DOCK2: variants seen among roughly 807,000 people sequenced by gnomAD.
DOCK2 encodes dedicator of cytokinesis 2.
A neutral mutation model predicts 248.9 loss-of-function variants in DOCK2; 87 were observed. The observed-to-expected ratio is 0.35, with a 90% confidence interval of 0.29 to 0.42. The LOEUF is 0.42. DOCK2 is among the 10% of genes least tolerant of loss of function. The pLI is 1.00. For synonymous variants in DOCK2, 805 were observed against 821.6 expected (o/e 0.98, Z 0.35); for missense variants, 1,747 against 2,300.2 (o/e 0.76, Z 4.92).
intron 28 of DOCK2, among the ~76,000 whole-genome samples, chr5:169,984,309 G>A (rs1030393735): frequency 6.6e-6 from 1 of 152,152 alleles, no homozygotes; most frequent in Non-Finnish European, 1.5e-5. Context: ...GGATGTGCCT[G>A]TGATGATATC....
At chr5:169,808,879 G>A (rs1452549479) in intron 26 of DOCK2, among the ~76,000 whole-genome samples, 1 of 152,146 alleles carries the variant, frequency 6.6e-6, no homozygotes, top group Non-Finnish European at 1.5e-5. Context: ...CTGAATCGTG[G>A]ACATAAGGAA....
intron 27 of DOCK2, among the ~76,000 whole-genome samples, chr5:169,952,208 A>C (rs1453905952): frequency 1.3e-5 from 2 of 152,214 alleles, no homozygotes; most frequent in Non-Finnish European, 2.9e-5. Flanking sequence ...AATTCACTCT[A>C]ACCGAGCTTT....
chr5:169,862,777 G>C (rs1012239830), intron 27 of DOCK2, among the ~76,000 whole-genome samples: 2 of 152,184 alleles, frequency 1.3e-5, no homozygotes, highest in Non-Finnish European at 2.9e-5. Flanking sequence ...ACAGGGGAAG[G>C]TGAAACCATC....
chr5:169,675,382 T>A (rs566952697), intron 6 of DOCK2, among the ~76,000 whole-genome samples: 2 of 152,152 alleles, frequency 1.3e-5, no homozygotes, highest in Non-Finnish European at 1.5e-5. Context: ...ACCACAAACA[T>A]GTATTGAGGA....
At chr5:169,943,644 T>C (rs1316768615) in intron 27 of DOCK2, among the ~76,000 whole-genome samples, 1 of 152,208 alleles carries the variant, frequency 6.6e-6, no homozygotes, top group Non-Finnish European at 1.5e-5. Flanking sequence ...CATCAGGCAT[T>C]AGAGTTTGCA....
chr5:169,661,380 G>C (rs1161693456), intron 2 of DOCK2, among the ~76,000 whole-genome samples: 1 of 152,212 alleles, frequency 6.6e-6, no homozygotes, highest in East Asian at 1.9e-4. Context: ...TAGTAAGGTA[G>C]TAAGATAGTT....
chr5:170,080,447 AC>A, intron 50 of DOCK2, 164 bp downstream of exon 50: 3 of 1,071,862 alleles, frequency 2.8e-6, no homozygotes, highest in Non-Finnish European at 3.9e-6. Context: ...CTCTCCCCAC[AC>A]CCACCACTTC....
At chr5:169,737,279 G>A (rs558544431) in intron 22 of DOCK2, among the ~76,000 whole-genome samples, 1 of 152,134 alleles carries the variant, frequency 6.6e-6, no homozygotes, top group Admixed American at 6.5e-5. Context: ...GGAAAGTCTA[G>A]GGTGGCTGGA....
At chr5:170,032,186 C>T (rs2113835339) in intron 34 of DOCK2, among the ~76,000 whole-genome samples, 1 of 152,170 alleles carries the variant, frequency 6.6e-6, no homozygotes, top group African/African-American at 2.4e-5. Context: ...ACTACCATGC[C>T]CGGCTAATTT....
At chr5:169,910,230 C>G (rs1774517652) in intron 27 of DOCK2, among the ~76,000 whole-genome samples, 1 of 152,132 alleles carries the variant, frequency 6.6e-6, no homozygotes, top group South Asian at 2.1e-4. Flanking sequence ...ATCAGACAGG[C>G]CTTTCATGTT....
Position 169,649,137 on chromosome 5 carries a change from G to A in DOCK2, c.44-5266G>A, listed in dbSNP as rs541555940. ...GCTAGTTCTATTTCCCCCTGGAGTGGAGACTCTCCAAAGTGAGCTTCGGGC... is the reference window on the plus strand; with the variant it reads ...GCTAGTTCTATTTCCCCCTGGAGTGAAGACTCTCCAAAGTGAGCTTCGGGC... On this transcript the variant is annotated intron_variant, in intron 1 of 51. Coordinates refer to ENST00000520908, the MANE Select transcript of DOCK2 (RefSeq NM_004946.3). 1.4e-4 allele frequency among the ~76,000 whole-genome samples: 22 copies of A among 152,314 alleles called. No individual in the cohort carries two copies. In the South Asian group the frequency reaches 4.6e-3, roughly 32 times the overall value.
intron 27 of DOCK2, among the ~76,000 whole-genome samples, chr5:169,860,619 A>G (rs544806791): frequency 6.6e-6 from 1 of 152,218 alleles, no homozygotes; most frequent in Non-Finnish European, 1.5e-5. Flanking sequence ...GATGTTTCCC[A>G]AAGTGGGAGA....
intron 22 of DOCK2, among the ~76,000 whole-genome samples, chr5:169,724,465 A>G (rs913798315): frequency 2.0e-5 from 3 of 151,992 alleles, no homozygotes; most frequent in African/African-American, 7.2e-5. Context: ...TTGGGGAGAG[A>G]AAAATTGCAC....
intron 22 of DOCK2, among the ~76,000 whole-genome samples, chr5:169,734,459 A>G (rs978728266): frequency 7.9e-5 from 12 of 152,034 alleles, no homozygotes; most frequent in Non-Finnish European, 1.5e-5. Context: ...TGTCCTTGGA[A>G]CTTCATCAGT....
intron 46 of DOCK2, among the ~76,000 whole-genome samples, chr5:170,072,481 A>T (rs1229344721): frequency 3.9e-5 from 6 of 152,244 alleles, no homozygotes; most frequent in Admixed American, 2.6e-4. Flanking sequence ...TTATGAGTAA[A>T]GTTGCTATGA....
rs539023728 is a variant in DOCK2 at position 169,652,858 on chromosome 5, C to T, written c.44-1545C>T. Among the ~76,000 whole-genome samples, 4 of 152,336 alleles carry T rather than the reference C, an allele frequency of 2.6e-5. No individual in the cohort carries two copies. In the East Asian group the frequency reaches 5.8e-4, roughly 22 times the overall value. On this transcript the variant is annotated intron_variant, in intron 1 of 51. Transcript: ENST00000520908. Reference sequence around the variant, plus strand: ...ATCTGCACAGAACCCAGTGGCATTTCACCCAGCTTCTGCATAGGGGTTAGA... The same window carrying T: ...ATCTGCACAGAACCCAGTGGCATTTTACCCAGCTTCTGCATAGGGGTTAGA...
intron 29 of DOCK2, among the ~76,000 whole-genome samples, chr5:169,986,899 T>C (rs986544759): frequency 2.0e-5 from 3 of 152,174 alleles, no homozygotes; most frequent in Non-Finnish European, 4.4e-5. Context: ...GATAGAAATA[T>C]CCCTAGAGGG....
intron 27 of DOCK2, among the ~76,000 whole-genome samples, chr5:169,911,427 A>G (rs903180580): frequency 1.2e-4 from 18 of 152,302 alleles, no homozygotes; most frequent in Admixed American, 7.8e-4. Context: ...TGTTCCCACT[A>G]CACTGAGCTG....
At chr5:169,685,173 G>A (rs1759892088) in intron 8 of DOCK2, among the ~76,000 whole-genome samples, 1 of 152,238 alleles carries the variant, frequency 6.6e-6, no homozygotes, top group East Asian at 1.9e-4. Flanking sequence ...AGGCTTTAAT[G>A]AGAAAGAGTT....
Sources: allele counts gnomAD v4.1 joint callset (sites outside exome capture counted in the v4.1 genomes callset), GRCh38; gene constraint gnomAD v4.1.1; transcripts MANE v1.5; gene names NCBI Gene and HGNC (gene_info 2026-07-23, HGNC 2026-07-21).